PCSK5: variants seen among roughly 807,000 people sequenced by gnomAD.
PCSK5 encodes the protein prohormone convertase 5.
In PCSK5, 129 loss-of-function variants were observed where a neutral mutation model predicts 233.2. The ratio of observed to expected loss-of-function variants is 0.55; its 90% confidence interval spans 0.48 to 0.64. The LOEUF is 0.64. PCSK5 is among the 30% of genes least tolerant of loss of function. The pLI is 0.00. For synonymous variants in PCSK5, 825 were observed against 879.2 expected, an observed-to-expected ratio of 0.94 and a Z score of 1.09; for missense variants, 2,076 against 2,430.1, an observed-to-expected ratio of 0.85 and a Z score of 3.06.
chr9:76,316,528 A>G (rs1829036725), intron 30 of PCSK5, among the ~76,000 whole-genome samples: 1 of 151,550 alleles, frequency 6.6e-6, no homozygotes, highest in African/African-American at 2.4e-5. Context: ...GTTTGAGACC[A>G]GCTTGGGTAA....
chr9:75,945,394 T>C (rs1824519456), intron 2 of PCSK5, among the ~76,000 whole-genome samples: 1 of 152,054 alleles, frequency 6.6e-6, no homozygotes, highest in Admixed American at 6.5e-5. Flanking sequence ...GAGATATTGT[T>C]GGCCCCACCA....
intron 15 of PCSK5, among the ~76,000 whole-genome samples, chr9:76,180,401 TC>T (rs1823809428): frequency 6.6e-6 from 1 of 152,158 alleles, no homozygotes; most frequent in Admixed American, 6.5e-5. Context: ...CTGATGCTTT[TC>T]CACATTTTCC....
At chr9:75,952,134 G>A (rs35412770) in intron 2 of PCSK5, among the ~76,000 whole-genome samples, 8,094 of 152,128 alleles carry the variant, frequency 0.053, 261 homozygotes, top group Middle Eastern at 0.11. Context: ...ATTTTTTGAT[G>A]CATTTCAAAG....
At chr9:76,075,492 A>G (rs1443946886) in intron 7 of PCSK5, among the ~76,000 whole-genome samples, 1 of 152,096 alleles carries the variant, frequency 6.6e-6, no homozygotes, top group Non-Finnish European at 1.5e-5. Flanking sequence ...TTTAAGCAGT[A>G]TATTTCTCTT....
chr9:76,293,841 C>A lies in PCSK5; in HGVS notation c.3186-1434C>A, dbSNP rs978893736. On this transcript the variant is annotated intron_variant, in intron 25 of 37. Transcript: ENST00000674117. ...AACATGAGATATTTATTTCAAGAAA[C>A]AAACATATATAATCTTTGAAAACAT... is the stretch of plus-strand genomic sequence containing the variant. 3.3e-5 allele frequency among the ~76,000 whole-genome samples: 5 copies of A among 152,312 alleles called. No individual in the cohort carries two copies. In the East Asian group the frequency reaches 9.6e-4, roughly 29 times the overall value.
At chr9:76,311,559 T>C (rs1173466176) in intron 30 of PCSK5, among the ~76,000 whole-genome samples, 2 of 152,228 alleles carry the variant, frequency 1.3e-5, no homozygotes, top group East Asian at 3.9e-4. Flanking sequence ...TTGTAGTTGC[T>C]TTACTCTTCC....
chr9:75,964,459 T>C (rs879697347), intron 2 of PCSK5, among the ~76,000 whole-genome samples: 10 of 152,136 alleles, frequency 6.6e-5, no homozygotes, highest in Non-Finnish European at 1.2e-4. Context: ...AACCACACCT[T>C]GAGATAAAAG....
chr9:76,192,874 C>T (rs572686788), intron 20 of PCSK5, among the ~76,000 whole-genome samples: 1 of 151,988 alleles, frequency 6.6e-6, no homozygotes, highest in East Asian at 1.9e-4. Context: ...GTCTTAGATT[C>T]AATGAAATAT....
chr9:76,038,360 G>A (rs1462228848), intron 5 of PCSK5, among the ~76,000 whole-genome samples: 2 of 152,066 alleles, frequency 1.3e-5, no homozygotes, highest in Non-Finnish European at 2.9e-5. Flanking sequence ...CTCGGTCTTG[G>A]GACCCGTTCA....
At chr9:75,959,595 C>T (rs1261037690) in intron 2 of PCSK5, among the ~76,000 whole-genome samples, 5 of 152,166 alleles carry the variant, frequency 3.3e-5, no homozygotes, top group Non-Finnish European at 7.4e-5. Context: ...TGTATTAACC[C>T]AGTTAACTTC....
intron 7 of PCSK5, among the ~76,000 whole-genome samples, chr9:76,087,751 T>C (rs1774657925): frequency 6.6e-6 from 1 of 152,124 alleles, no homozygotes; most frequent in Admixed American, 6.5e-5. Context: ...CAAAAGAACA[T>C]TAAAAATTTC....
chr9:76,327,864 T>G, intron 32 of PCSK5, 145 bp from the exon 33 acceptor site: 1 of 679,798 alleles, frequency 1.5e-6, no homozygotes, highest in Non-Finnish European at 2.7e-6. Flanking sequence ...ACTCAACTCA[T>G]GGCCCCACAC....
chr9:76,188,439 A>C (rs1238918046), intron 17 of PCSK5, 139 bp from the exon 18 acceptor site: 1 of 606,518 alleles, frequency 1.6e-6, no homozygotes, highest in Admixed American at 3.0e-5. Flanking sequence ...TACACGGGCT[A>C]TTTCCCCGGC....
At chr9:76,321,356 C>T in intron 30 of PCSK5, 66 bp from the exon 31 acceptor site, 2 of 858,736 alleles carry the variant, frequency 2.3e-6, no homozygotes. Flanking sequence ...AATTCCTTTT[C>T]CCCAGGAATG....
intron 7 of PCSK5, 77 bp downstream of exon 7, chr9:76,071,975 G>A (rs1830498252): frequency 3.5e-6 from 5 of 1,412,646 alleles, no homozygotes; most frequent in Non-Finnish European, 4.8e-6. Context: ...TGGGTTTCCA[G>A]CTGCAGTCTA....
chr9:75,979,369 T>C (rs1372977102), intron 2 of PCSK5, among the ~76,000 whole-genome samples: 1 of 152,194 alleles, frequency 6.6e-6, no homozygotes, highest in African/African-American at 2.4e-5. Context: ...GGGCCTTGCT[T>C]GATCCCTCTT....
intron 26 of PCSK5, among the ~76,000 whole-genome samples, chr9:76,296,046 C>T (rs1828427927): frequency 6.6e-6 from 1 of 152,174 alleles, no homozygotes; most frequent in Non-Finnish European, 1.5e-5. Context: ...CCTCTAATGG[C>T]CAATGTAAAT....
intron 17 of PCSK5, among the ~76,000 whole-genome samples, chr9:76,187,530 T>G (rs1290465147): frequency 6.6e-6 from 1 of 152,152 alleles, no homozygotes; most frequent in Non-Finnish European, 1.5e-5. Flanking sequence ...CCTAGCAATT[T>G]TTTTTTAGCC....
At chr9:76,343,333 TTG>T (rs57513234) in intron 35 of PCSK5, among the ~76,000 whole-genome samples, 9,090 of 133,648 alleles carry the variant, frequency 0.068, 344 homozygotes, top group Middle Eastern at 0.098. Flanking sequence ...CCTGGGTAAT[TTG>T]TGTGTGTGTG....
Sources: allele counts gnomAD v4.1 joint callset (sites outside exome capture counted in the v4.1 genomes callset), GRCh38; gene constraint gnomAD v4.1.1; transcripts MANE v1.5; gene names NCBI Gene and HGNC (gene_info 2026-07-23, HGNC 2026-07-21).